The following MACC1 variants were observed in gnomAD, a reference collection of about 807,000 sequenced individuals.
The protein encoded by MACC1 is metastasis-associated in colon cancer protein 1.
A neutral mutation model predicts 70.7 loss-of-function variants in MACC1; 79 were observed. The observed-to-expected ratio is 1.12, with a 90% CI of 0.93 to 1.35. The LOEUF is 1.35. Ranked by LOEUF, MACC1 falls within the 40% of genes most tolerant of loss-of-function variation. The pLI, the probability that MACC1 is intolerant of heterozygous loss-of-function variation, is 0.00. For missense variants in MACC1, 1,106 were observed against 978.1 expected, an observed-to-expected ratio of 1.13 and a Z score of -1.74; for synonymous variants, 361 against 347.2, an observed-to-expected ratio of 1.04 and a Z score of -0.44.
chr7:20,172,136 A>G (rs112894574), intron 1 of MACC1, among the ~76,000 whole-genome samples: 5 of 152,354 alleles, frequency 3.3e-5, no homozygotes, highest in African/African-American at 1.2e-4. Flanking sequence ...TTACTCACTG[A>G]TTCAGGAAAC....
chr7:20,166,338 A>G (rs1488822742), intron 2 of MACC1, among the ~76,000 whole-genome samples: 4 of 152,166 alleles, frequency 2.6e-5, no homozygotes, highest in African/African-American at 9.7e-5. Flanking sequence ...TTACTTGTAA[A>G]TGCAACCAGT....
intron 1 of MACC1, among the ~76,000 whole-genome samples, chr7:20,200,587 C>A (rs1417257076): frequency 1.3e-5 from 2 of 152,212 alleles, no homozygotes; most frequent in African/African-American, 4.8e-5. Flanking sequence ...ACATGAGAGA[C>A]AGAGTGATGT....
chr7:20,211,339 C>T (rs1238146857), intron 1 of MACC1, among the ~76,000 whole-genome samples: 2 of 151,980 alleles, frequency 1.3e-5, no homozygotes, highest in Non-Finnish European at 2.9e-5. Context: ...TAGTTACTAT[C>T]AATATTATCA....
chr7:20,205,599 C>T (rs902932875), intron 1 of MACC1, among the ~76,000 whole-genome samples: 1 of 152,156 alleles, frequency 6.6e-6, no homozygotes, highest in African/African-American at 2.4e-5. Context: ...TAATATTCTC[C>T]TTATTTTCCT....
intron 1 of MACC1, among the ~76,000 whole-genome samples, chr7:20,208,544 T>G (rs997218914): frequency 1.3e-5 from 2 of 152,112 alleles, no homozygotes; most frequent in Admixed American, 1.3e-4. Context: ...AACTTTGAAC[T>G]TGAGAGAGAT....
chr7:20,178,216 G>C (rs1252204332), intron 1 of MACC1, among the ~76,000 whole-genome samples: 1 of 151,114 alleles, frequency 6.6e-6, no homozygotes, highest in Non-Finnish European at 1.5e-5. Flanking sequence ...TCTGCTTATT[G>C]AAAAATTTCA....
intron 1 of MACC1, among the ~76,000 whole-genome samples, chr7:20,203,319 A>G (rs1782859540): frequency 6.6e-6 from 1 of 152,136 alleles, no homozygotes; most frequent in Non-Finnish European, 1.5e-5. Flanking sequence ...TCCATCGCCC[A>G]ACTAACTAGC....
At chr7:20,208,498 C>T (rs1782947328) in intron 1 of MACC1, among the ~76,000 whole-genome samples, 1 of 152,182 alleles carries the variant, frequency 6.6e-6, no homozygotes, top group Admixed American at 6.5e-5. Context: ...AGCAAAGAGA[C>T]TGGCAGCATT....
chr7:20,202,792 G>A (rs1326156922), intron 1 of MACC1, among the ~76,000 whole-genome samples: 1 of 152,136 alleles, frequency 6.6e-6, no homozygotes, highest in Non-Finnish European at 1.5e-5. Flanking sequence ...TCAATTTAAA[G>A]GGCACATGTG....
At chr7:20,190,911 T>TTC (rs1222889559) in intron 1 of MACC1, among the ~76,000 whole-genome samples, 1 of 152,254 alleles carries the variant, frequency 6.6e-6, no homozygotes, top group Non-Finnish European at 1.5e-5. Context: ...ACACAATTGT[T>TTC]ACTATGTACA....
intron 1 of MACC1, among the ~76,000 whole-genome samples, chr7:20,211,812 A>G (rs1384125747): frequency 6.6e-6 from 1 of 152,152 alleles, no homozygotes; most frequent in East Asian, 1.9e-4. Context: ...GGAATGTACT[A>G]TAATATTTTA....
At chr7:20,180,641 T>C (rs958700859) in intron 1 of MACC1, among the ~76,000 whole-genome samples, 2 of 152,002 alleles carry the variant, frequency 1.3e-5, no homozygotes, top group Non-Finnish European at 2.9e-5. Context: ...GGTCAGGAGT[T>C]TGAGACCAGC....
chr7:20,158,895 A>G lies in MACC1; in HGVS notation c.1466T>C (p.Val489Ala). The G allele has an allele frequency of 6.2e-7, 1 of 1,614,104 alleles. No homozygotes were observed. The highest frequency in any genetic ancestry group is 8.5e-7 in the Non-Finnish European group (1 of 1,180,024). The change falls in exon 5 of 7, where the codon GTG (valine) becomes GCG (alanine). Residue 489 changes from valine (V) to alanine (A), a missense_variant. Physicochemically the swap from Val to Ala is moderately conservative, Grantham distance 64. Transcript: ENST00000400331. ...AACTGGTTCACCATTGGGAGGCTCC[A>G]CTTGAACACAAAAATCAAACAAGTG... ...EMHLFDFCVQ[V>A]EPPNGEPVAQ...
chr7:20,193,260 A>G (rs1782699369), intron 1 of MACC1, among the ~76,000 whole-genome samples: 1 of 152,244 alleles, frequency 6.6e-6, no homozygotes, highest in Non-Finnish European at 1.5e-5. Context: ...GAATAATTAA[A>G]TAAATTATAA....
At chr7:20,196,840 G>A (rs969108329) in intron 1 of MACC1, among the ~76,000 whole-genome samples, 2 of 152,052 alleles carry the variant, frequency 1.3e-5, no homozygotes, top group African/African-American at 4.8e-5. Flanking sequence ...TGGCTGAAAG[G>A]TAAAAGGATC....
chr7:20,156,088 G>A (rs1782050725), intron 5 of MACC1, among the ~76,000 whole-genome samples: 1 of 152,190 alleles, frequency 6.6e-6, no homozygotes, highest in South Asian at 2.1e-4. Flanking sequence ...TATAAGGACA[G>A]CCAGTCTCAA....
chr7:20,141,436 G>C (rs1781800352), intron 6 of MACC1, among the ~76,000 whole-genome samples: 1 of 151,980 alleles, frequency 6.6e-6, no homozygotes, highest in Admixed American at 6.6e-5. Context: ...GCTTTCATGT[G>C]AATATAAAAT....
intron 2 of MACC1, among the ~76,000 whole-genome samples, chr7:20,169,557 C>T (rs945643624): frequency 1.3e-5 from 2 of 152,212 alleles, no homozygotes; most frequent in Non-Finnish European, 2.9e-5. Context: ...CAAAGCTCCA[C>T]TGCTTCCTAG....
intron 1 of MACC1, among the ~76,000 whole-genome samples, chr7:20,197,497 T>G (rs1782771537): frequency 6.6e-6 from 1 of 152,236 alleles, no homozygotes; most frequent in Non-Finnish European, 1.5e-5. Flanking sequence ...TTCTCGAGCA[T>G]TTTTACATGT....
Sources: gnomAD v4.1 joint callset for allele counts (sites outside exome capture counted in the v4.1 genomes callset) on GRCh38, gnomAD v4.1.1 for gene constraint, MANE v1.5 for transcripts, NCBI Gene and HGNC (gene_info 2026-07-23, HGNC 2026-07-21) for gene names.